Variants in DCC observed in about 807,000 individuals in gnomAD.
DCC encodes the protein DCC netrin 1 receptor, also known as netrin receptor DCC.
In DCC, 58 loss-of-function variants were observed where a neutral mutation model predicts 172.5. The ratio of observed to expected loss-of-function variants is 0.34; its 90% CI spans 0.27 to 0.42. DCC has a LOEUF of 0.42. Ranked by LOEUF, DCC falls within the 10% of genes least tolerant of loss-of-function variation. DCC has a pLI of 1.00. For synonymous variants in DCC, 709 were observed against 644.5 expected, an observed-to-expected ratio of 1.10 and a Z score of -1.52; for missense variants, 1,740 against 1,791.0, an observed-to-expected ratio of 0.97 and a Z score of 0.51.
chr18:53,391,422 G>T (rs1438993025), intron 16 of DCC, among the ~76,000 whole-genome samples: 2 of 152,060 alleles, frequency 1.3e-5, no homozygotes, highest in Non-Finnish European at 2.9e-5. Flanking sequence ...CACTCTAAGA[G>T]AATGAGTAAA....
At chr18:52,828,717 A>G (rs1157194285) in intron 2 of DCC, among the ~76,000 whole-genome samples, 1 of 152,162 alleles carries the variant, frequency 6.6e-6, no homozygotes, top group African/African-American at 2.4e-5. Flanking sequence ...GCAAATGTAG[A>G]AAATCTAGTG....
chr18:53,530,154 C>G (rs2046510025), intron 28 of DCC: 1 of 604,448 alleles, frequency 1.7e-6, no homozygotes, highest in Non-Finnish European at 2.9e-6. Flanking sequence ...ATGCCAGACC[C>G]TATCATGGGT....
intron 15 of DCC, among the ~76,000 whole-genome samples, chr18:53,345,606 T>C (rs2057714587): frequency 6.6e-6 from 1 of 152,230 alleles, no homozygotes; most frequent in South Asian, 2.1e-4. Flanking sequence ...TCCAATGTTA[T>C]TTCCCTTTAG....
chr18:52,861,440 C>A (rs1034209807), intron 2 of DCC, among the ~76,000 whole-genome samples: 1 of 152,174 alleles, frequency 6.6e-6, no homozygotes, highest in Non-Finnish European at 1.5e-5. Context: ...ACAGAAGAAA[C>A]TGATTCTTGT....
chr18:53,520,015 T>C (rs1331606571), intron 27 of DCC, among the ~76,000 whole-genome samples: 1 of 152,070 alleles, frequency 6.6e-6, no homozygotes, highest in African/African-American at 2.4e-5. Flanking sequence ...CTCAAGGCAG[T>C]CCATTATCAA....
chr18:53,085,842 A>G (rs2042871329), intron 7 of DCC, among the ~76,000 whole-genome samples: 1 of 151,656 alleles, frequency 6.6e-6, no homozygotes, highest in African/African-American at 2.4e-5. Context: ...TTCAGTTATT[A>G]TGGTCTCAGT....
chr18:52,418,678 C>T (rs1374941863), intron 1 of DCC, among the ~76,000 whole-genome samples: 1 of 152,022 alleles, frequency 6.6e-6, no homozygotes, highest in African/African-American at 2.4e-5. Flanking sequence ...TGCAACCTCT[C>T]CCCCAGATTC....
chr18:53,201,121 C>T (rs1352874614), intron 9 of DCC, among the ~76,000 whole-genome samples: 3 of 152,138 alleles, frequency 2.0e-5, no homozygotes, highest in African/African-American at 7.2e-5. Flanking sequence ...GCCTCCCTTT[C>T]CCTTCCCCCA....
At position 53,174,827 on chromosome 18, in the gene DCC, G is replaced by A. The variant is rs909430015; in HGVS notation, c.1419-4135G>A. Among the ~76,000 whole-genome samples the A allele has an allele frequency of 3.4e-3, 513 of 151,938 alleles. 2 individuals carry two copies. The highest frequency in any genetic ancestry group is 0.012 in the African/African-American group (498 of 41,430). On this transcript the variant is annotated intron_variant, in intron 8 of 28. Transcript: ENST00000442544. The stretch of plus-strand genomic sequence containing the variant: ...GGGAATCCTCCCTAACTCTTTTTAC[G>A]AGGCCAGCATCATTCTGATACCAAA...
At chr18:53,163,955 T>C (rs2054879954) in intron 8 of DCC, among the ~76,000 whole-genome samples, 1 of 152,174 alleles carries the variant, frequency 6.6e-6, no homozygotes, top group Non-Finnish European at 1.5e-5. Flanking sequence ...ACATAAAGTA[T>C]GTTTACCAAG....
chr18:52,915,039 C>A (rs1468768302), intron 3 of DCC, among the ~76,000 whole-genome samples: 1 of 152,054 alleles, frequency 6.6e-6, no homozygotes, highest in Non-Finnish European at 1.5e-5. Context: ...AAATTAAAAG[C>A]AACTACTGGT....
At chr18:53,111,784 C>T (rs545597403) in intron 7 of DCC, among the ~76,000 whole-genome samples, 11 of 151,724 alleles carry the variant, frequency 7.3e-5, no homozygotes, top group African/African-American at 2.2e-4. Flanking sequence ...GCAATAGAAC[C>T]TCTAAGTATA....
chr18:53,247,752 C>G (rs1316964249), intron 12 of DCC, among the ~76,000 whole-genome samples: 1 of 151,918 alleles, frequency 6.6e-6, no homozygotes. Flanking sequence ...TGAGACCACT[C>G]TTGCTTGGAA....
At chr18:53,119,361 T>C (rs1190752679) in intron 7 of DCC, among the ~76,000 whole-genome samples, 1 of 151,786 alleles carries the variant, frequency 6.6e-6, no homozygotes, top group Admixed American at 6.6e-5. Flanking sequence ...TTTGTGTACT[T>C]AGCCTCCCTC....
In DCC at chr18:53,054,583, C is replaced by A. The variant is rs185278899; in HGVS notation, c.986-8722C>A. ...ACAAAATTGTGCTCTCAGTTTGATC[C>A]TAGGCTCCACAATTAGAGAGATGGA... On this transcript the variant is annotated intron_variant, in intron 5 of 28. Transcript: ENST00000442544. Among the ~76,000 whole-genome samples the A allele has an allele frequency of 2.0e-4, 31 of 152,106 alleles. No homozygotes were observed. In the East Asian group the frequency reaches 5.0e-3, roughly 25 times the overall value.
At chr18:52,743,331 T>C (rs1359887741) in intron 1 of DCC, among the ~76,000 whole-genome samples, 4 of 152,314 alleles carry the variant, frequency 2.6e-5, no homozygotes, top group African/African-American at 9.6e-5. Context: ...TTCATCAAAC[T>C]GAGAGGGAAG....
intron 1 of DCC, among the ~76,000 whole-genome samples, chr18:52,535,913 G>A (rs1239070150): frequency 6.6e-6 from 1 of 152,144 alleles, no homozygotes; most frequent in Non-Finnish European, 1.5e-5. Context: ...CTGTAAGAGA[G>A]TTTGTTCAAA....
intron 1 of DCC, among the ~76,000 whole-genome samples, chr18:52,549,905 C>T (rs1316979090): frequency 1.3e-5 from 2 of 151,556 alleles, no homozygotes; most frequent in Non-Finnish European, 2.9e-5. Context: ...TAAGTAGATA[C>T]TCCCCTTTCT....
intron 1 of DCC, among the ~76,000 whole-genome samples, chr18:52,685,679 T>A (rs955504276): frequency 2.0e-5 from 3 of 152,084 alleles, no homozygotes; most frequent in Non-Finnish European, 1.5e-5. Flanking sequence ...AGTGTTTGTT[T>A]TCTCCACTCT....
Sources: allele counts gnomAD v4.1 joint callset (sites outside exome capture counted in the v4.1 genomes callset), GRCh38; gene constraint gnomAD v4.1.1; transcripts MANE v1.5; gene names NCBI Gene and HGNC (gene_info 2026-07-23, HGNC 2026-07-21).